SORBS2: variants seen among roughly 807,000 people sequenced by gnomAD.
The protein encoded by SORBS2 is sorbin and SH3 domain containing 2, also known as sorbin and SH3 domain-containing protein 2.
SORBS2 carries 46 observed loss-of-function variants against 97.7 expected under a neutral mutation model. The observed-to-expected ratio is 0.47, with a 90% CI of 0.37 to 0.60. The LOEUF is 0.60. Among genes scored for constraint, SORBS2 ranks in the 20% least tolerant of loss-of-function variants. SORBS2 has a pLI of 0.00. For synonymous variants in SORBS2, 476 were observed against 473.4 expected (o/e 1.01, Z -0.07); for missense variants, 1,316 against 1,282.3 (o/e 1.03, Z -0.40).
At chr4:185,916,827 T>C (rs72709762) in intron 1 of SORBS2, among the ~76,000 whole-genome samples, 21,719 of 152,104 alleles carry the variant, frequency 0.14, 1,777 homozygotes, top group African/African-American at 0.21. Context: ...AGTGCACAGG[T>C]TGACTATACA....
intron 1 of SORBS2, among the ~76,000 whole-genome samples, chr4:185,946,986 T>G (rs2099274836): frequency 6.6e-6 from 1 of 152,220 alleles, no homozygotes; most frequent in African/African-American, 2.4e-5. Context: ...GGCCCATGAC[T>G]TAGTGTTCTC....
intron 1 of SORBS2, among the ~76,000 whole-genome samples, chr4:185,862,308 G>T (rs1230668081): frequency 6.6e-6 from 1 of 152,236 alleles, no homozygotes; most frequent in Non-Finnish European, 1.5e-5. Flanking sequence ...CTTGAGCCTT[G>T]TAGGACATGG....
At chr4:185,603,210 C>A (rs1394317151) in intron 12 of SORBS2, among the ~76,000 whole-genome samples, 1 of 152,010 alleles carries the variant, frequency 6.6e-6, no homozygotes, top group Non-Finnish European at 1.5e-5. Flanking sequence ...AGGCTACTTT[C>A]CCTCTTATTG....
intron 1 of SORBS2, among the ~76,000 whole-genome samples, chr4:185,824,295 C>T (rs1250044634): frequency 1.3e-5 from 2 of 152,138 alleles, no homozygotes; most frequent in Admixed American, 1.3e-4. Flanking sequence ...CAATCTCTGC[C>T]TCCATCTGCA....
chr4:185,871,644 C>G (rs1561254124), intron 1 of SORBS2, among the ~76,000 whole-genome samples: 1 of 152,142 alleles, frequency 6.6e-6, no homozygotes, highest in Admixed American at 6.5e-5. Context: ...AGGAAATGTC[C>G]TCTATGACAG....
At chr4:185,677,320 C>G in intron 4 of SORBS2, 1 of 1,552,332 alleles carries the variant, frequency 6.4e-7, no homozygotes, top group Non-Finnish European at 8.7e-7. Context: ...GTTTGAGAAT[C>G]TTGCCTGTAG....
chr4:185,765,417 C>T (rs1461783109), intron 2 of SORBS2, among the ~76,000 whole-genome samples: 2 of 152,088 alleles, frequency 1.3e-5, no homozygotes, highest in African/African-American at 4.8e-5. Flanking sequence ...AAAAATTATA[C>T]ATGTGAACAT....
chr4:185,797,693 T>C (rs1389097929), intron 1 of SORBS2, among the ~76,000 whole-genome samples: 1 of 152,158 alleles, frequency 6.6e-6, no homozygotes, highest in Non-Finnish European at 1.5e-5. Context: ...CAGGAGCCTG[T>C]TCCCCAAGAC....
chr4:185,898,922 A>G (rs1302307669), intron 1 of SORBS2, among the ~76,000 whole-genome samples: 1 of 151,858 alleles, frequency 6.6e-6, no homozygotes, highest in Non-Finnish European at 1.5e-5. Flanking sequence ...ATCCTGATCC[A>G]CTCTTGCCTA....
intron 1 of SORBS2, among the ~76,000 whole-genome samples, chr4:185,811,276 C>T (rs1386843137): frequency 6.6e-5 from 10 of 152,168 alleles, no homozygotes; most frequent in African/African-American, 2.2e-4. Context: ...AAATGCTTCT[C>T]ATGTAGTTCT....
chr4:185,673,159 G>T (rs2097740881), intron 4 of SORBS2, among the ~76,000 whole-genome samples: 1 of 152,192 alleles, frequency 6.6e-6, no homozygotes, highest in African/African-American at 2.4e-5. Flanking sequence ...TGGTTGCCAG[G>T]CGCTTGGGGA....
intron 2 of SORBS2, among the ~76,000 whole-genome samples, chr4:185,717,142 G>A (rs2098472233): frequency 6.6e-6 from 1 of 152,208 alleles, no homozygotes; most frequent in Non-Finnish European, 1.5e-5. Context: ...TGGCGTGGGA[G>A]CGCCGCTGTC....
At chr4:185,641,325 A>T (rs1250478793) in intron 4 of SORBS2, among the ~76,000 whole-genome samples, 1 of 152,210 alleles carries the variant, frequency 6.6e-6, no homozygotes. Context: ...GTAATTATCG[A>T]TAACTTTGGA....
intron 1 of SORBS2, among the ~76,000 whole-genome samples, chr4:185,837,370 A>G (rs1397339151): frequency 6.6e-6 from 1 of 152,222 alleles, no homozygotes; most frequent in African/African-American, 2.4e-5. Flanking sequence ...AAACTGCTGA[A>G]TTTCAGCTTC....
chr4:185,826,325 G>A (rs1251702244), intron 1 of SORBS2, among the ~76,000 whole-genome samples: 1 of 152,154 alleles, frequency 6.6e-6, no homozygotes, highest in African/African-American at 2.4e-5. Context: ...AGGTGCCTAT[G>A]CTCATCGACC....
chr4:185,829,903 T>C (rs2099204225), intron 1 of SORBS2, among the ~76,000 whole-genome samples: 1 of 152,244 alleles, frequency 6.6e-6, no homozygotes, highest in Admixed American at 6.5e-5. Context: ...ATTGGATTTT[T>C]CAGATTTAAA....
At chr4:185,871,038 T>G (rs1231241765) in intron 1 of SORBS2, among the ~76,000 whole-genome samples, 1 of 152,212 alleles carries the variant, frequency 6.6e-6, no homozygotes, top group African/African-American at 2.4e-5. Flanking sequence ...ACAAAGTTAA[T>G]GCAACTATCA....
At chr4:185,835,525 G>A (rs2099207540) in intron 1 of SORBS2, among the ~76,000 whole-genome samples, 1 of 151,996 alleles carries the variant, frequency 6.6e-6, no homozygotes, top group Non-Finnish European at 1.5e-5. Context: ...TTTGTCAACA[G>A]AACATTAGAA....
At chr4:185,651,662 T>C in intron 2 of SORBS2, 122 bp downstream of exon 11, 1 of 710,608 alleles carries the variant, frequency 1.4e-6, no homozygotes, top group Non-Finnish European at 2.5e-6. Context: ...AAAGAAATCC[T>C]CCTCCTAATA....
Sources: gnomAD v4.1 joint callset for allele counts (sites outside exome capture counted in the v4.1 genomes callset) on GRCh38, gnomAD v4.1.1 for gene constraint, MANE v1.5 for transcripts, NCBI Gene and HGNC (gene_info 2026-07-23, HGNC 2026-07-21) for gene names.